Variants in XKR4 observed in about 807,000 individuals in gnomAD.
XKR4 encodes XK related 4, also known as XK-related protein 4.
Under a neutral mutation model 53.9 loss-of-function variants are expected in XKR4, and 12 were observed. The ratio of observed to expected loss-of-function variants is 0.22; its 90% CI spans 0.14 to 0.36. The LOEUF (loss-of-function observed/expected upper bound fraction) is 0.36, where lower values mean the gene tolerates loss of function less well. Ranked by LOEUF, XKR4 falls within the 10% of genes least tolerant of loss-of-function variation. XKR4 has a pLI of 1.00. For missense variants in XKR4, 799 were observed against 859.5 expected, an observed-to-expected ratio of 0.93 and a Z score of 0.88; for synonymous variants, 354 against 362.4, an observed-to-expected ratio of 0.98 and a Z score of 0.26.
At chr8:55,504,550 T>C (rs1806495897) in intron 2 of XKR4, among the ~76,000 whole-genome samples, 1 of 152,074 alleles carries the variant, frequency 6.6e-6, no homozygotes, top group African/African-American at 2.4e-5. Context: ...CTATCTGGCT[T>C]TGGTATAAAG....
intron 1 of XKR4, among the ~76,000 whole-genome samples, chr8:55,351,767 C>T (rs1803726745): frequency 6.6e-6 from 1 of 152,246 alleles, no homozygotes; most frequent in Non-Finnish European, 1.5e-5. Flanking sequence ...TTGCACTAGT[C>T]TTCCGGCCAA....
At chr8:55,475,357 C>A (rs1805962772) in intron 2 of XKR4, among the ~76,000 whole-genome samples, 1 of 151,068 alleles carries the variant, frequency 6.6e-6, no homozygotes, top group Admixed American at 6.6e-5. Context: ...TATTTCAGAC[C>A]AGCGATTCAT....
At chr8:55,409,476 CTTG>C (rs2129390986) in intron 2 of XKR4, among the ~76,000 whole-genome samples, 1 of 152,182 alleles carries the variant, frequency 6.6e-6, no homozygotes, top group East Asian at 1.9e-4. Context: ...TCAGTGGCAG[CTTG>C]TTGTAAGAAT....
At chr8:55,429,940 T>TA (rs747695007) in intron 2 of XKR4, among the ~76,000 whole-genome samples, 1 of 151,526 alleles carries the variant, frequency 6.6e-6, no homozygotes, top group Non-Finnish European at 1.5e-5. Flanking sequence ...AACTCAACAA[T>TA]AAAAAAACCC....
intron 1 of XKR4, among the ~76,000 whole-genome samples, chr8:55,143,724 C>T (rs1029653816): frequency 6.6e-6 from 1 of 152,160 alleles, no homozygotes; most frequent in African/African-American, 2.4e-5. Flanking sequence ...AAAGGATGTG[C>T]CTCCAAGTCC....
chr8:55,183,768 C>T (rs1318897809), intron 1 of XKR4, among the ~76,000 whole-genome samples: 3 of 152,136 alleles, frequency 2.0e-5, no homozygotes, highest in African/African-American at 4.8e-5. Context: ...TAGTGTTGTT[C>T]AAATCATCTA....
At chr8:55,356,568 G>A (rs1416865989) in intron 1 of XKR4, among the ~76,000 whole-genome samples, 1 of 133,974 alleles carries the variant, frequency 7.5e-6, no homozygotes, top group South Asian at 2.6e-4. Context: ...TGAACATTGA[G>A]TATTTGATAC....
At chr8:55,339,416 G>A (rs1409463369) in intron 1 of XKR4, among the ~76,000 whole-genome samples, 2 of 152,094 alleles carry the variant, frequency 1.3e-5, no homozygotes, top group African/African-American at 4.8e-5. Context: ...CATATTTTAG[G>A]CAGAAACACT....
intron 2 of XKR4, among the ~76,000 whole-genome samples, chr8:55,509,270 T>C (rs921988109): frequency 2.0e-5 from 3 of 152,212 alleles, no homozygotes; most frequent in Non-Finnish European, 4.4e-5. Context: ...CTACTCACTA[T>C]GTTGCTTTAA....
intron 2 of XKR4, among the ~76,000 whole-genome samples, chr8:55,406,199 G>A (rs16921756): frequency 0.067 from 10,224 of 152,202 alleles, 876 homozygotes; most frequent in African/African-American, 0.2. Flanking sequence ...GGGAATTAAT[G>A]GGAAAGTTTA....
chr8:55,282,615 G>A (rs1242321370), intron 1 of XKR4, among the ~76,000 whole-genome samples: 1 of 152,080 alleles, frequency 6.6e-6, no homozygotes, highest in Non-Finnish European at 1.5e-5. Context: ...TCTGAGGATG[G>A]CACCAAGCCA....
intron 2 of XKR4, among the ~76,000 whole-genome samples, chr8:55,471,614 A>G (rs1449454829): frequency 2.0e-5 from 3 of 152,116 alleles, no homozygotes; most frequent in East Asian, 1.9e-4. Flanking sequence ...CATGGATGAT[A>G]TGGTTTGAAT....
intron 1 of XKR4, among the ~76,000 whole-genome samples, chr8:55,293,044 AT>A (rs1217849671): frequency 6.6e-6 from 1 of 151,976 alleles, no homozygotes; most frequent in Non-Finnish European, 1.5e-5. Context: ...TTTAAAATCC[AT>A]ATAGTTTGGC....
At chr8:55,412,427 C>A (rs1209262191) in intron 2 of XKR4, among the ~76,000 whole-genome samples, 1 of 151,918 alleles carries the variant, frequency 6.6e-6, no homozygotes, top group Non-Finnish European at 1.5e-5. Context: ...TTTTTAAAGC[C>A]AAAATCCTTG....
intron 1 of XKR4, among the ~76,000 whole-genome samples, chr8:55,340,553 CACTA>C (rs1009475802): frequency 6.6e-6 from 1 of 152,220 alleles, no homozygotes; most frequent in Non-Finnish European, 1.5e-5. Flanking sequence ...GAGCAGATGT[CACTA>C]ACTGACACCA....
intron 2 of XKR4, among the ~76,000 whole-genome samples, chr8:55,410,508 G>A (rs992580415): frequency 6.6e-6 from 1 of 152,176 alleles, no homozygotes; most frequent in African/African-American, 2.4e-5. Context: ...GGCTTCCACT[G>A]GACAGACGCT....
chr8:55,302,798 G>T (rs1819223433), intron 1 of XKR4, among the ~76,000 whole-genome samples: 1 of 152,140 alleles, frequency 6.6e-6, no homozygotes, highest in Non-Finnish European at 1.5e-5. Context: ...CTCTCTGTTT[G>T]TCTGTTAGTG....
intron 1 of XKR4, among the ~76,000 whole-genome samples, chr8:55,251,798 G>A (rs915311573): frequency 6.6e-6 from 1 of 152,182 alleles, no homozygotes; most frequent in African/African-American, 2.4e-5. Flanking sequence ...CTCCGCAAAT[G>A]TTTGGCTTGA....
In XKR4 at chr8:55,213,856, C is replaced by CTTTTTTTTTT. The variant is rs11433893; in HGVS notation, c.806+110580_806+110589dup. Among the ~76,000 whole-genome samples, 70 of 82,344 alleles carry CTTTTTTTTTT rather than the reference C, an allele frequency of 8.5e-4. 1 individual carries two copies. Among genetic ancestry groups the CTTTTTTTTTT allele is most frequent in the East Asian group, 2.8e-3 (6 of 2,126 alleles). 54.0% of individuals were successfully genotyped at this position (82,344 alleles called of 152,430 possible). A position where few individuals can be genotyped will look rare whatever the true frequency, so the allele number is the denominator to read the frequency against. On this transcript the variant is annotated intron_variant, in intron 1 of 2. Coordinates refer to ENST00000327381, the MANE Select transcript of XKR4 (RefSeq NM_052898.2). ...TTAATACTTCTTTTTTTCTTTCTTT[C>CTTTTTTTTTT]TTTTTTTTTTTTTTTTTTTTTTTTT... is the stretch of plus-strand genomic sequence containing the variant.
Sources: allele counts gnomAD v4.1 joint callset (sites outside exome capture counted in the v4.1 genomes callset), GRCh38; gene constraint gnomAD v4.1.1; transcripts MANE v1.5; gene names NCBI Gene and HGNC (gene_info 2026-07-23, HGNC 2026-07-21).